Variants in SNTG1 observed in about 807,000 individuals in gnomAD.
SNTG1 encodes gamma-1-syntrophin.
In SNTG1, 39 loss-of-function variants were observed where a neutral mutation model predicts 74.7. The observed-to-expected ratio is 0.52, with a 90% CI of 0.40 to 0.68. SNTG1 has a LOEUF of 0.68. SNTG1 is among the 30% of genes least tolerant of loss of function. The pLI, the probability that SNTG1 is intolerant of heterozygous loss-of-function variation, is 0.00. For missense variants in SNTG1, 685 were observed against 609.5 expected, an observed-to-expected ratio of 1.12 and a Z score of -1.30; for synonymous variants, 254 against 217.1, an observed-to-expected ratio of 1.17 and a Z score of -1.49.
At chr8:50,484,720 G>A (rs116424729) in intron 8 of SNTG1, among the ~76,000 whole-genome samples, 1,844 of 151,558 alleles carry the variant, frequency 0.012, 41 homozygotes, top group African/African-American at 0.042. Context: ...TTAGCCACAC[G>A]TGATGGTGCA....
intron 1 of SNTG1, among the ~76,000 whole-genome samples, chr8:50,139,507 T>C (rs1335792404): frequency 6.6e-6 from 1 of 152,214 alleles, no homozygotes; most frequent in East Asian, 1.9e-4. Flanking sequence ...AGAATGCCTG[T>C]GTCATGTCTG....
At chr8:50,552,294 A>G (rs1441032947) in intron 11 of SNTG1, among the ~76,000 whole-genome samples, 1 of 152,228 alleles carries the variant, frequency 6.6e-6, no homozygotes, top group Non-Finnish European at 1.5e-5. Context: ...TTGAAGCTAT[A>G]TGAAACACTT....
chr8:50,461,283 A>G (rs2093559885), intron 8 of SNTG1, among the ~76,000 whole-genome samples: 1 of 151,906 alleles, frequency 6.6e-6, no homozygotes, highest in South Asian at 2.1e-4. Context: ...ATATTAAGAG[A>G]AAACTACCAG....
chr8:50,045,081 G>T (rs574864357), intron 1 of SNTG1, among the ~76,000 whole-genome samples: 4 of 152,288 alleles, frequency 2.6e-5, no homozygotes, highest in South Asian at 2.1e-4. Flanking sequence ...CCAGTGTTAG[G>T]AGACAGTAGG....
At chr8:49,957,862 A>G (rs1810318375) in intron 1 of SNTG1, among the ~76,000 whole-genome samples, 1 of 152,156 alleles carries the variant, frequency 6.6e-6, no homozygotes. Context: ...GCTACTCAGG[A>G]GGCTGAGACT....
At chr8:50,210,274 G>A (rs2084453596) in intron 2 of SNTG1, among the ~76,000 whole-genome samples, 1 of 152,152 alleles carries the variant, frequency 6.6e-6, no homozygotes, top group Non-Finnish European at 1.5e-5. Context: ...AAAGTAACGG[G>A]GAGAATGGAA....
intron 2 of SNTG1, among the ~76,000 whole-genome samples, chr8:50,363,005 C>A (rs994058693): frequency 6.6e-6 from 1 of 151,992 alleles, no homozygotes; most frequent in Admixed American, 6.6e-5. Flanking sequence ...TGGCCTCTTC[C>A]TTTCTTTAGC....
intron 2 of SNTG1, among the ~76,000 whole-genome samples, chr8:50,381,266 A>G (rs2092474471): frequency 6.6e-6 from 1 of 151,982 alleles, no homozygotes; most frequent in African/African-American, 2.4e-5. Context: ...TAACCAATAA[A>G]CTTATTTTTC....
intron 2 of SNTG1, among the ~76,000 whole-genome samples, chr8:50,379,222 G>A (rs773341806): frequency 6.6e-6 from 1 of 152,178 alleles, no homozygotes; most frequent in Non-Finnish European, 1.5e-5. Context: ...GGGCTTCGAC[G>A]GCATCTGGGC....
intron 2 of SNTG1, among the ~76,000 whole-genome samples, chr8:50,204,532 A>G (rs2084121389): frequency 6.6e-6 from 1 of 152,172 alleles, no homozygotes; most frequent in Non-Finnish European, 1.5e-5. Context: ...TGTTGAAAAT[A>G]CATCTTTGAA....
intron 17 of SNTG1, among the ~76,000 whole-genome samples, chr8:50,732,714 A>T (rs2095515873): frequency 6.6e-6 from 1 of 151,908 alleles, no homozygotes; most frequent in African/African-American, 2.4e-5. Flanking sequence ...CAACAATGTT[A>T]TGTAAATATT....
intron 2 of SNTG1, among the ~76,000 whole-genome samples, chr8:50,385,446 G>A (rs558429543): frequency 6.6e-6 from 1 of 152,284 alleles, no homozygotes; most frequent in South Asian, 2.1e-4. Flanking sequence ...TGAGGTAGAA[G>A]GTCCTTGAAT....
At chr8:50,262,179 A>C (rs1000923519) in intron 2 of SNTG1, among the ~76,000 whole-genome samples, 1 of 152,206 alleles carries the variant, frequency 6.6e-6, no homozygotes, top group Non-Finnish European at 1.5e-5. Flanking sequence ...TAGCATACTA[A>C]GATTTGTAGA....
At chr8:50,658,465 T>C (rs1325112479) in intron 14 of SNTG1, 127 bp from the exon 15 acceptor site, 1 of 577,294 alleles carries the variant, frequency 1.7e-6, no homozygotes, top group Non-Finnish European at 3.0e-6. Context: ...TGAGCATGGC[T>C]TCACAGATGA....
At chr8:50,627,853 T>G (rs1244329188) in intron 13 of SNTG1, among the ~76,000 whole-genome samples, 2 of 152,174 alleles carry the variant, frequency 1.3e-5, no homozygotes, top group Non-Finnish European at 2.9e-5. Flanking sequence ...CGTTCAGCTA[T>G]CTGGAAGCCT....
intron 1 of SNTG1, among the ~76,000 whole-genome samples, chr8:50,036,036 A>T (rs1389643569): frequency 6.6e-6 from 1 of 152,158 alleles, no homozygotes; most frequent in Non-Finnish European, 1.5e-5. Flanking sequence ...TGGTCTCTTT[A>T]TGCATCACTT....
intron 2 of SNTG1, among the ~76,000 whole-genome samples, chr8:50,372,294 TC>T (rs1373824755): frequency 6.6e-6 from 1 of 151,950 alleles, no homozygotes; most frequent in Non-Finnish European, 1.5e-5. Flanking sequence ...TTATTTTTTT[TC>T]GGGTTACCAT....
intron 1 of SNTG1, among the ~76,000 whole-genome samples, chr8:50,128,111 C>A (rs1321565870): frequency 6.6e-6 from 1 of 152,134 alleles, no homozygotes; most frequent in African/African-American, 2.4e-5. Flanking sequence ...ACTCTAATTA[C>A]TCTCCACTGA....
chr8:50,612,072 AAAAC>A (rs1414153194), intron 13 of SNTG1, among the ~76,000 whole-genome samples: 3 of 152,222 alleles, frequency 2.0e-5, no homozygotes, highest in African/African-American at 7.2e-5. Context: ...CCCTGTCTTT[AAAAC>A]AAACAAACAA....
Sources: gnomAD v4.1 joint callset for allele counts (sites outside exome capture counted in the v4.1 genomes callset) on GRCh38, gnomAD v4.1.1 for gene constraint, MANE v1.5 for transcripts, NCBI Gene and HGNC (gene_info 2026-07-23, HGNC 2026-07-21) for gene names.